Variants in ZC3H12B observed in about 807,000 individuals in gnomAD.
The protein encoded by ZC3H12B is zinc finger CCCH-type containing 12B, also known as probable ribonuclease ZC3H12B.
Under a neutral mutation model 43.9 loss-of-function variants are expected in ZC3H12B, and 7 were observed. The observed-to-expected ratio is 0.16, with a 90% CI of 0.09 to 0.30. ZC3H12B has a LOEUF of 0.30. Among genes scored for constraint, ZC3H12B ranks in the 10% least tolerant of loss-of-function variants. ZC3H12B has a pLI of 1.00. For missense variants in ZC3H12B, 475 were observed against 670.2 expected (o/e 0.71, Z 3.22); for synonymous variants, 222 against 241.7 (o/e 0.92, Z 0.76).
the ZC3H12B span, among the ~76,000 whole-genome samples, chrX:65,334,135 A>T: frequency 8.9e-6 from 1 of 112,222 alleles, no homozygotes; most frequent in African/African-American, 3.2e-5. Flanking sequence ...AATCAGTATG[A>T]CTGTAGTTAA....
chrX:65,156,537 C>A, the ZC3H12B span, among the ~76,000 whole-genome samples: 1 of 111,164 alleles, frequency 9.0e-6, no homozygotes, highest in Non-Finnish European at 1.9e-5. Flanking sequence ...TCTGTCACCA[C>A]GCCTGGCTAA....
rs370217849 is a variant in ZC3H12B, at chrX:65,388,985, C to T, written n.296-9608C>T. ...TGAGCAGCAAATATTGCTGCCTGAT[C>T]GTTCCTCTGGAAGTTTTGTCTCAGA... On this transcript the variant is annotated intron_variant and non_coding_transcript_variant, in intron 2 of 5. Transcript: ENST00000617377. Among the ~76,000 whole-genome samples the T allele has an allele frequency of 1.2e-4, 13 of 111,854 alleles. No homozygotes were observed. The East Asian group carries it at 3.7e-3, about 32-fold the overall frequency.
chrX:65,342,261 A>G, the ZC3H12B span, among the ~76,000 whole-genome samples: 1 of 111,972 alleles, frequency 8.9e-6, no homozygotes, highest in African/African-American at 3.2e-5. Context: ...ACCTGGATTT[A>G]GAAAGCATAT....
At chrX:65,243,576 C>A in the ZC3H12B span, among the ~76,000 whole-genome samples, 1 of 111,609 alleles carries the variant, frequency 9.0e-6, no homozygotes, top group African/African-American at 3.2e-5. Context: ...CATCAAAAAA[C>A]TAAAAATAGA....
At chrX:65,311,582 G>C in the ZC3H12B span, among the ~76,000 whole-genome samples, 2 of 112,012 alleles carry the variant, frequency 1.8e-5, no homozygotes, top group Admixed American at 9.4e-5. Flanking sequence ...GGAAGACAAT[G>C]TGGTGATTCC....
At chrX:65,243,885 C>A in the ZC3H12B span, among the ~76,000 whole-genome samples, 1 of 111,771 alleles carries the variant, frequency 8.9e-6, no homozygotes, top group Non-Finnish European at 1.9e-5. Flanking sequence ...AAGTCAGATA[C>A]TACTTATTGT....
exon 5 of ZC3H12B, chrX:65,506,207 T>C (rs972724559): frequency 1.8e-5 from 2 of 112,577 alleles, no homozygotes; most frequent in African/African-American, 3.2e-5. Context: ...TCAAGCATTA[T>C]ATTGCATAAG....
At chrX:65,212,503 A>G in the ZC3H12B span, among the ~76,000 whole-genome samples, 8 of 69,012 alleles carry the variant, frequency 1.2e-4, no homozygotes, top group Admixed American at 1.9e-3. Flanking sequence ...TAATATACAT[A>G]TTATATACAA....
chrX:65,260,304 A>G, the ZC3H12B span, among the ~76,000 whole-genome samples: 1 of 109,475 alleles, frequency 9.1e-6, no homozygotes, highest in African/African-American at 3.3e-5. Flanking sequence ...ATAGCCACCA[A>G]AAAAAAAATA....
the ZC3H12B span, among the ~76,000 whole-genome samples, chrX:65,303,348 C>T: frequency 2.7e-5 from 3 of 110,587 alleles, no homozygotes; most frequent in African/African-American, 9.9e-5. Context: ...GCATGTGTAC[C>T]GCCGAACCTA....
chrX:65,411,443 T>G (rs1374013041), intron 3 of ZC3H12B, among the ~76,000 whole-genome samples: 1 of 111,691 alleles, frequency 9.0e-6, no homozygotes, highest in Non-Finnish European at 1.9e-5. Flanking sequence ...ATAATGTAAT[T>G]GTGGCCAGGC....
At chrX:65,058,449 AGGG>A in the ZC3H12B span, among the ~76,000 whole-genome samples, 1 of 111,807 alleles carries the variant, frequency 8.9e-6, no homozygotes, top group Admixed American at 9.5e-5. Flanking sequence ...TTTGTCTCAG[AGGG>A]GTAACCAGCC....
the ZC3H12B span, among the ~76,000 whole-genome samples, chrX:65,164,196 G>T: frequency 1.8e-5 from 2 of 111,291 alleles, no homozygotes; most frequent in Non-Finnish European, 3.8e-5. Context: ...TGGTGGCCAG[G>T]GACTAGGGAA....
At chrX:65,055,063 T>G in the ZC3H12B span, among the ~76,000 whole-genome samples, 10 of 111,383 alleles carry the variant, frequency 9.0e-5, no homozygotes, top group Non-Finnish European at 7.5e-5. Flanking sequence ...TTTTCCTAAT[T>G]GAATACCCTT....
chrX:65,227,368 G>A, the ZC3H12B span, among the ~76,000 whole-genome samples: 15 of 111,723 alleles, frequency 1.3e-4, no homozygotes, highest in South Asian at 5.7e-3. Context: ...GAATCTCTAG[G>A]ACACATTCAA....
the ZC3H12B span, among the ~76,000 whole-genome samples, chrX:65,191,859 C>A: frequency 1.4e-3 from 142 of 103,195 alleles, 1 homozygote; most frequent in Non-Finnish European, 2.4e-3. Context: ...AATGTGTTTG[C>A]TCTTGCTTTT....
the ZC3H12B span, among the ~76,000 whole-genome samples, chrX:65,313,413 C>A: frequency 1.8e-5 from 2 of 112,062 alleles, no homozygotes; most frequent in Admixed American, 9.5e-5. Context: ...GAGTTGATCT[C>A]TTAATTTTGT....
the ZC3H12B span, among the ~76,000 whole-genome samples, chrX:65,060,219 A>G: frequency 8.9e-6 from 1 of 111,995 alleles, no homozygotes; most frequent in Admixed American, 9.5e-5. Flanking sequence ...CTCCTGTCTC[A>G]TTGTTCCAGC....
chrX:65,236,342 A>G, the ZC3H12B span, among the ~76,000 whole-genome samples: 1 of 111,766 alleles, frequency 8.9e-6, no homozygotes, highest in South Asian at 3.7e-4. Flanking sequence ...AGCCACATGA[A>G]TGTTTTATTT....
Sources: allele counts gnomAD v4.1 joint callset (sites outside exome capture counted in the v4.1 genomes callset), GRCh38; gene constraint gnomAD v4.1.1; transcripts MANE v1.5; gene names NCBI Gene and HGNC (gene_info 2026-07-23, HGNC 2026-07-21).